The following PCDHA13 variants were observed in gnomAD, a reference collection of about 807,000 sequenced individuals.
PCDHA13 encodes the protein protocadherin alpha 13.
A neutral mutation model predicts 64.8 loss-of-function variants in PCDHA13; 54 were observed. The ratio of observed to expected loss-of-function variants is 0.83; its 90% CI spans 0.67 to 1.04. The LOEUF is 1.04. PCDHA13 is among the 50% of genes least tolerant of loss of function. PCDHA13 has a pLI of 0.00. For synonymous variants in PCDHA13, 587 were observed against 564.4 expected, an observed-to-expected ratio of 1.04 and a Z score of -0.57; for missense variants, 1,248 against 1,254.3, an observed-to-expected ratio of 0.99 and a Z score of 0.08.
In PCDHA13 at chr5:140,883,838, GA is replaced by G; in HGVS notation, c.1571del (p.Asp524AlafsTer12). On this transcript the variant is annotated frameshift_variant, in exon 1 of 4. Transcript: ENST00000289272. LOFTEE classifies it high-confidence loss of function. ...SGKVYALQPL[D>X]HEELELLQFQ... ...CAAGGTGTACGCGCTGCAGCCGTTGGACCACGAGGAGCTGGAGCTGTTGCAG... is the reference window on the plus strand; with the variant it reads ...CAAGGTGTACGCGCTGCAGCCGTTGGCCACGAGGAGCTGGAGCTGTTGCAG... 1 of 1,612,738 alleles carries G rather than the reference GA, an allele frequency of 6.2e-7. No individual in the cohort carries two copies. Among genetic ancestry groups the G allele is most frequent in the Non-Finnish European group, 8.5e-7 (1 of 1,179,832 alleles).
intron 1 of PCDHA13, among the ~76,000 whole-genome samples, chr5:140,899,116 T>C (rs563698448): frequency 6.6e-6 from 1 of 152,246 alleles, no homozygotes; most frequent in South Asian, 2.1e-4. Flanking sequence ...TTTCTAGATA[T>C]ACAATCATGT....
intron 1 of PCDHA13, among the ~76,000 whole-genome samples, chr5:140,945,198 C>T (rs1563212846): frequency 6.6e-6 from 1 of 151,982 alleles, no homozygotes; most frequent in Non-Finnish European, 1.5e-5. Flanking sequence ...ATGCTATTTA[C>T]AATAGCTATG....
At chr5:140,946,679 CG>C (rs1355438071) in intron 1 of PCDHA13, among the ~76,000 whole-genome samples, 1 of 144,750 alleles carries the variant, frequency 6.9e-6, no homozygotes, top group Non-Finnish European at 1.5e-5. Flanking sequence ...TCCTGTCATT[CG>C]TGACAATATG....
chr5:140,978,906 T>C, intron 1 of PCDHA13, 43 bp from the exon 2 acceptor site: 1 of 1,613,530 alleles, frequency 6.2e-7, no homozygotes, highest in Non-Finnish European at 8.5e-7. Flanking sequence ...GGGAGAACAT[T>C]GTCTTGTCAT....
At chr5:140,918,007 G>C (rs1313004826) in intron 1 of PCDHA13, among the ~76,000 whole-genome samples, 1 of 151,954 alleles carries the variant, frequency 6.6e-6, no homozygotes, top group Non-Finnish European at 1.5e-5. Context: ...TAACAATGTT[G>C]TTTCTTCCTA....
intron 1 of PCDHA13, chr5:140,928,771 A>C: frequency 6.2e-7 from 1 of 1,613,998 alleles, no homozygotes; most frequent in Non-Finnish European, 8.5e-7. Context: ...AGTTCTTCCC[A>C]CTGATGCAGT....
chr5:140,891,345 G>T (rs2063056241), intron 1 of PCDHA13, among the ~76,000 whole-genome samples: 1 of 151,958 alleles, frequency 6.6e-6, no homozygotes, highest in Admixed American at 6.6e-5. Context: ...AGATTTTGGT[G>T]CATCCATCAC....
chr5:140,989,939 C>T (rs533490284), intron 3 of PCDHA13, among the ~76,000 whole-genome samples: 2 of 152,004 alleles, frequency 1.3e-5, no homozygotes, highest in South Asian at 2.1e-4. Flanking sequence ...TGACATTCCA[C>T]GTTTTTCTCG....
At chr5:140,915,766 T>G (rs2077298451) in intron 1 of PCDHA13, among the ~76,000 whole-genome samples, 1 of 151,974 alleles carries the variant, frequency 6.6e-6, no homozygotes, top group African/African-American at 2.4e-5. Context: ...CTGGGTCTTG[T>G]CCAAGGCCTG....
At chr5:140,997,476 A>G (rs782742177) in intron 3 of PCDHA13, among the ~76,000 whole-genome samples, 1 of 152,196 alleles carries the variant, frequency 6.6e-6, no homozygotes, top group Admixed American at 6.5e-5. Flanking sequence ...TTTTTACACA[A>G]TGATAAGTAT....
chr5:140,957,038 C>T (rs534661886), intron 1 of PCDHA13, among the ~76,000 whole-genome samples: 1 of 152,048 alleles, frequency 6.6e-6, no homozygotes, highest in South Asian at 2.1e-4. Context: ...TTATGGGAGT[C>T]ATATAAAATA....
At position 140,903,816 on chromosome 5, in the gene PCDHA13, C is replaced by T. The variant is rs963125816; in HGVS notation, c.2394+19154C>T. On this transcript the variant is annotated intron_variant, in intron 1 of 3. Coordinates refer to ENST00000289272, the MANE Select transcript of PCDHA13 (RefSeq NM_018904.3). ...TTGTAATTGACAAGTATAGTTCTCACATGAATGTCTGTTGGTATTTTCATT... is the reference window on the plus strand; with the variant it reads ...TTGTAATTGACAAGTATAGTTCTCATATGAATGTCTGTTGGTATTTTCATT... Among the ~76,000 whole-genome samples, 7 of 152,190 alleles carry T rather than the reference C, an allele frequency of 4.6e-5. 1 individual carries two copies. The highest frequency in any genetic ancestry group is 2.6e-4 in the Admixed American group (4 of 15,282).
At chr5:140,927,526 G>T in intron 1 of PCDHA13, 3 of 1,614,086 alleles carry the variant, frequency 1.9e-6, no homozygotes, top group Non-Finnish European at 2.5e-6. Flanking sequence ...CGGGCTACCT[G>T]CCCGCTCAGG....
intron 3 of PCDHA13, among the ~76,000 whole-genome samples, chr5:141,001,404 T>A (rs965496882): frequency 1.3e-4 from 20 of 152,072 alleles, no homozygotes; most frequent in African/African-American, 4.8e-4. Context: ...GAACAGGGAG[T>A]ATATTTTTAC....
chr5:140,966,731 G>T, intron 1 of PCDHA13: 8 of 1,405,136 alleles, frequency 5.7e-6, no homozygotes, highest in Non-Finnish European at 7.4e-6. Context: ...TGCCGCCTCC[G>T]GCCCTGCCCG....
chr5:140,980,614 G>T (rs2153822225), intron 2 of PCDHA13, among the ~76,000 whole-genome samples: 1 of 152,088 alleles, frequency 6.6e-6, no homozygotes, highest in Admixed American at 6.5e-5. Context: ...TGGCGACAGT[G>T]CGAGACTCTG....
chr5:140,883,860 T>C lies in PCDHA13; in HGVS notation c.1592T>C (p.Leu531Ser). 1.2e-6 allele frequency: 2 copies of C among 1,613,044 alleles called. No homozygotes were observed. The highest frequency in any genetic ancestry group is 1.7e-6 in the Non-Finnish European group (2 of 1,179,828). ...TTGGACCACGAGGAGCTGGAGCTGT[T>C]GCAGTTCCAGGTGAGCGCGCGCGAC... ...QPLDHEELEL[L>S]QFQVSARDSG... Residue 531 changes from leucine to serine, a missense_variant, in exon 1 of 4, where the codon TTG becomes TCG. Coordinates refer to ENST00000289272, the MANE Select transcript of PCDHA13 (RefSeq NM_018904.3).
At position 140,882,420 on chromosome 5, in the gene PCDHA13, A is replaced by G; in HGVS notation, c.152A>G (p.Asp51Gly). The G allele has an allele frequency of 1.2e-6, 2 of 1,614,046 alleles. No individual in the cohort carries two copies. The highest frequency in any genetic ancestry group is 1.7e-6 in the Non-Finnish European group (2 of 1,180,038). ...HGTFVGRIAQ[D>G]LGLELAELVP... is the part of the protein sequence containing the mutation. Reference sequence around the variant, plus strand: ...ACCTTCGTGGGCCGCATCGCTCAGGACCTGGGGCTGGAGCTGGCGGAGCTG... The same window carrying G: ...ACCTTCGTGGGCCGCATCGCTCAGGGCCTGGGGCTGGAGCTGGCGGAGCTG... Residue 51 changes from aspartate to glycine, a missense_variant, in exon 1 of 4, where the codon GAC becomes GGC. Transcript: ENST00000289272.
chr5:140,927,226 A>G, intron 1 of PCDHA13: 4 of 1,613,996 alleles, frequency 2.5e-6, no homozygotes, highest in Non-Finnish European at 3.4e-6. Context: ...CAAGATTCGG[A>G]TTCACGTCCT....
Sources: allele counts gnomAD v4.1 joint callset (sites outside exome capture counted in the v4.1 genomes callset), GRCh38; gene constraint gnomAD v4.1.1; transcripts MANE v1.5; gene names NCBI Gene and HGNC (gene_info 2026-07-23, HGNC 2026-07-21).